The following GALNT17 variants were observed in gnomAD, a reference collection of about 807,000 sequenced individuals.
GALNT17 encodes the protein polypeptide N-acetylgalactosaminyltransferase 17, also known as UDP-GalNAc:polypeptide N-acetylgalactosaminyltransferase-like 3.
In GALNT17, 29 loss-of-function variants were observed where a neutral mutation model predicts 63.7. That is an observed-to-expected ratio of 0.46 (90% confidence interval 0.34 to 0.62). The LOEUF is 0.62. GALNT17 is among the 20% of genes least tolerant of loss of function. The probability of loss-of-function intolerance (pLI) is 0.01; values close to 1 mark genes in which losing one functional copy is unlikely to be tolerated. For synonymous variants in GALNT17, 305 were observed against 318.3 expected (o/e 0.96, Z 0.45); for missense variants, 603 against 799.6 (o/e 0.75, Z 2.97).
chr7:71,369,903 A>G (rs1338791996), intron 2 of GALNT17, among the ~76,000 whole-genome samples: 2 of 152,046 alleles, frequency 1.3e-5, no homozygotes, highest in African/African-American at 2.4e-5. Flanking sequence ...AGAATTCTAC[A>G]GGACGTTCAA....
chr7:71,606,870 C>T (rs958377276), intron 6 of GALNT17, among the ~76,000 whole-genome samples: 1 of 152,196 alleles, frequency 6.6e-6, no homozygotes, highest in Non-Finnish European at 1.5e-5. Flanking sequence ...TTCAAGAAGC[C>T]ATATGCGGTA....
chr7:71,556,836 G>A (rs1293797374), intron 5 of GALNT17, among the ~76,000 whole-genome samples: 1 of 152,134 alleles, frequency 6.6e-6, no homozygotes, highest in Non-Finnish European at 1.5e-5. Context: ...AAAGTGCTGG[G>A]ATTACAGGCA....
intron 3 of GALNT17, among the ~76,000 whole-genome samples, chr7:71,398,089 G>C (rs984342115): frequency 1.3e-5 from 2 of 152,080 alleles, no homozygotes; most frequent in African/African-American, 2.4e-5. Flanking sequence ...ATTTCACAAT[G>C]ATGAGCCTTG....
intron 5 of GALNT17, among the ~76,000 whole-genome samples, chr7:71,568,148 G>T: frequency 6.6e-6 from 1 of 152,182 alleles, no homozygotes. Context: ...GGCAGTGGGG[G>T]CATTTGCCAG....
At chr7:71,318,757 C>T (rs1487603100) in intron 1 of GALNT17, among the ~76,000 whole-genome samples, 2 of 152,140 alleles carry the variant, frequency 1.3e-5, no homozygotes, top group Admixed American at 6.5e-5. Flanking sequence ...TGGAAACTGG[C>T]ATTTCAACCT....
At chr7:71,165,463 G>C (rs1475642715) in intron 1 of GALNT17, among the ~76,000 whole-genome samples, 1 of 113,614 alleles carries the variant, frequency 8.8e-6, no homozygotes, top group Non-Finnish European at 2.0e-5. Flanking sequence ...CATGGCGACA[G>C]ACAAGAGAAG....
chr7:71,251,523 C>T (rs952153451), intron 1 of GALNT17, among the ~76,000 whole-genome samples: 1 of 152,054 alleles, frequency 6.6e-6, no homozygotes, highest in African/African-American at 2.4e-5. Flanking sequence ...AGTCTTCCCA[C>T]CTGAGCTTCC....
rs1026292846 is a variant in GALNT17 at position 71,610,925 on chromosome 7, G to T, written c.1080+39523G>T. 2.0e-5 allele frequency among the ~76,000 whole-genome samples: 3 copies of T among 149,884 alleles called. No individual in the cohort carries two copies. The Admixed American group carries it at 2.0e-4, about 10-fold the overall frequency. On this transcript the variant is annotated intron_variant, in intron 6 of 10. Coordinates refer to ENST00000333538, the MANE Select transcript of GALNT17 (RefSeq NM_022479.3). Reference sequence around the variant, plus strand: ...CCCTTGAATTTGGAAGGCGGAGGTTGCAGTGAGCCGAGATCACGCCACTGC... The same window carrying T: ...CCCTTGAATTTGGAAGGCGGAGGTTTCAGTGAGCCGAGATCACGCCACTGC...
At chr7:71,614,248 T>C (rs1432559864) in intron 6 of GALNT17, among the ~76,000 whole-genome samples, 1 of 152,148 alleles carries the variant, frequency 6.6e-6, no homozygotes, top group Non-Finnish European at 1.5e-5. Context: ...CCAAAAAATC[T>C]GAAATCCAAA....
chr7:71,199,081 C>T (rs1320139294), intron 1 of GALNT17, among the ~76,000 whole-genome samples: 2 of 152,120 alleles, frequency 1.3e-5, no homozygotes, highest in Non-Finnish European at 2.9e-5. Context: ...CAGAGCATAA[C>T]CGGGCCGTGG....
intron 6 of GALNT17, among the ~76,000 whole-genome samples, chr7:71,633,871 C>T (rs1880636): frequency 0.8 from 121,684 of 152,148 alleles, 52,426 homozygotes; most frequent in East Asian, 0.99. Context: ...ATGTGCTCAG[C>T]GACATCAAGC....
At chr7:71,571,839 C>A (rs1274016996) in intron 6 of GALNT17, among the ~76,000 whole-genome samples, 3 of 151,886 alleles carry the variant, frequency 2.0e-5, no homozygotes, top group Admixed American at 6.6e-5. Context: ...CAGAGCAAGA[C>A]CCTGTCTCTA....
chr7:71,224,928 T>C (rs991718965), intron 1 of GALNT17, among the ~76,000 whole-genome samples: 4 of 152,184 alleles, frequency 2.6e-5, no homozygotes. Flanking sequence ...CCAATCTATA[T>C]TGGTTTTCTT....
At chr7:71,146,878 C>T (rs1020786175) in intron 1 of GALNT17, among the ~76,000 whole-genome samples, 4 of 152,168 alleles carry the variant, frequency 2.6e-5, no homozygotes, top group Non-Finnish European at 4.4e-5. Flanking sequence ...AACACACGAG[C>T]GTGCTGACAG....
intron 5 of GALNT17, among the ~76,000 whole-genome samples, chr7:71,459,692 TG>T (rs143995778): frequency 6.6e-6 from 1 of 152,120 alleles, no homozygotes; most frequent in African/African-American, 2.4e-5. Context: ...CCATTCATTG[TG>T]GGGGGGAAAA....
chr7:71,530,759 G>A (rs532791921), intron 5 of GALNT17, among the ~76,000 whole-genome samples: 62 of 151,978 alleles, frequency 4.1e-4, no homozygotes, highest in South Asian at 2.9e-3. Flanking sequence ...TAGTAGAGAC[G>A]GGGTTTCACT....
chr7:71,561,578 C>G (rs1229393652), intron 5 of GALNT17, among the ~76,000 whole-genome samples: 2 of 152,084 alleles, frequency 1.3e-5, no homozygotes, highest in African/African-American at 4.8e-5. Context: ...CCCAGCAGGC[C>G]AGTGGGAATC....
rs557902693 is a variant in GALNT17 at position 71,617,384 on chromosome 7, C to G, written c.1080+45982C>G. On this transcript the variant is annotated intron_variant, in intron 6 of 10. Transcript: ENST00000333538. ...GTCACCAGGCTGGAGTGCAGTGGCA[C>G]AATCTCAGCTCACTGCAACTTCCAC... Among the ~76,000 whole-genome samples, 994 of 150,200 alleles carry G rather than the reference C, an allele frequency of 6.6e-3. 7 individuals are homozygous for G. The highest frequency in any genetic ancestry group is 0.011 in the Non-Finnish European group (736 of 67,734).
intron 6 of GALNT17, among the ~76,000 whole-genome samples, chr7:71,636,990 A>C (rs1790536252): frequency 1.3e-5 from 2 of 152,126 alleles, no homozygotes; most frequent in Admixed American, 6.5e-5. Flanking sequence ...CCTGGGATGG[A>C]GTCGGATGAC....
Sources: gnomAD v4.1 joint callset for allele counts (sites outside exome capture counted in the v4.1 genomes callset) on GRCh38, gnomAD v4.1.1 for gene constraint, MANE v1.5 for transcripts, NCBI Gene and HGNC (gene_info 2026-07-23, HGNC 2026-07-21) for gene names.